PCDHGA9: variants seen among roughly 807,000 people sequenced by gnomAD.
PCDHGA9 encodes the protein protocadherin gamma subfamily A, 9.
A neutral mutation model predicts 62.5 loss-of-function variants in PCDHGA9; 37 were observed. That is an observed-to-expected ratio of 0.59 (90% CI 0.46 to 0.78). The LOEUF (loss-of-function observed/expected upper bound fraction) is 0.78. Among genes scored for constraint, PCDHGA9 ranks in the 30% least tolerant of loss-of-function variants. PCDHGA9 has a pLI of 0.00. For missense variants in PCDHGA9, 1,138 were observed against 1,166.2 expected, an observed-to-expected ratio of 0.98 and a Z score of 0.35; for synonymous variants, 459 against 484.6, an observed-to-expected ratio of 0.95 and a Z score of 0.69.
At position 141,431,338 on chromosome 5, in the gene PCDHGA9, A is replaced by G; in HGVS notation, c.2424+25962A>G. On this transcript the variant is annotated intron_variant, in intron 1 of 3. Transcript: ENST00000573521. This position sits in a 1 kb window ranked among gnomAD's most constrained non-coding sequence, Gnocchi z 4.8. ...GAGCCGACGGTAGTAAGTACCCCGA[A>G]TTGGTGCTGAAACGCGCCCTGGACC... 1 of 1,614,068 alleles carries G rather than the reference A, an allele frequency of 6.2e-7. No homozygotes were observed. The highest frequency in any genetic ancestry group is 8.5e-7 in the Non-Finnish European group (1 of 1,180,032).
At chr5:141,478,442 C>T in intron 1 of PCDHGA9, 1 of 1,613,608 alleles carries the variant, frequency 6.2e-7, no homozygotes, top group Non-Finnish European at 8.5e-7. Flanking sequence ...GCTGAAGAAA[C>T]CTGGTGCAGC....
intron 1 of PCDHGA9, among the ~76,000 whole-genome samples, chr5:141,438,517 T>G (rs975190211): frequency 6.7e-6 from 1 of 148,384 alleles, no homozygotes; most frequent in Non-Finnish European, 1.5e-5. Context: ...AAACCAATTA[T>G]TTTACATGGA....
At chr5:141,445,732 A>G (rs2098475548) in intron 1 of PCDHGA9, among the ~76,000 whole-genome samples, 1 of 152,230 alleles carries the variant, frequency 6.6e-6, no homozygotes, top group African/African-American at 2.4e-5. Context: ...ATGTGTAAAG[A>G]TCTTTTTAAA....
chr5:141,415,096 G>A (rs1398998410), intron 1 of PCDHGA9: 3 of 1,613,462 alleles, frequency 1.9e-6, no homozygotes, highest in Non-Finnish European at 2.5e-6. Flanking sequence ...GGACAGAGAC[G>A]CGCTCAAGCA....
chr5:141,414,302 A>G (rs2095732200), intron 1 of PCDHGA9: 3 of 1,613,678 alleles, frequency 1.9e-6, no homozygotes, highest in Non-Finnish European at 2.5e-6. Flanking sequence ...TTAAATGTGC[A>G]TGATTTAGAC....
rs61612330 is a variant in PCDHGA9 at position 141,454,796 on chromosome 5, A to ATTTTTTTTTT, written c.2425-39991_2425-39982dup. Among the ~76,000 whole-genome samples, 264 of 77,454 alleles carry ATTTTTTTTTT rather than the reference A, an allele frequency of 3.4e-3. 39 individuals carry two copies. Among genetic ancestry groups the ATTTTTTTTTT allele is most frequent in the African/African-American group, 0.012 (196 of 16,878 alleles). 50.8% of individuals were successfully genotyped at this position (77,454 alleles called of 152,430 possible). A position where few individuals can be genotyped will look rare whatever the true frequency, so the allele number is the denominator to read the frequency against. ...AAGGAAATAATCCTCCATGGTTCTA[A>ATTTTTTTTTT]TTTTTTTTTTTTTTTTTTTTTTTTT... On this transcript the variant is annotated intron_variant, in intron 1 of 3. Transcript: ENST00000573521.
Position 141,432,110 on chromosome 5 carries a change from G to A in PCDHGA9, c.2424+26734G>A. On this transcript the variant is annotated intron_variant, in intron 1 of 3. Coordinates refer to ENST00000573521, the MANE Select transcript of PCDHGA9 (RefSeq NM_018921.3). This position sits in a 1 kb window ranked among gnomAD's most constrained non-coding sequence, Gnocchi z 6.0. ...GGCAGACACCAACGACAACCCGCCG[G>A]TCTTCCCTCAGGCCTCCTATTCCGC... 6.2e-7 allele frequency: 1 copy of A among 1,614,108 alleles called. No individual in the cohort carries two copies. Among genetic ancestry groups the A allele is most frequent in the Non-Finnish European group, 8.5e-7 (1 of 1,180,036 alleles).
intron 1 of PCDHGA9, chr5:141,440,160 G>A (rs568136682): frequency 6.6e-6 from 1 of 152,324 alleles, no homozygotes; most frequent in East Asian, 1.9e-4. Flanking sequence ...ATTATAGCTT[G>A]GGCCATAACG....
At chr5:141,482,957 C>A (rs2099575063) in intron 1 of PCDHGA9, among the ~76,000 whole-genome samples, 2 of 57,944 alleles carry the variant, frequency 3.5e-5, no homozygotes, top group Admixed American at 1.5e-4. Context: ...CCTGTAATTC[C>A]AGCTACTTGA....
Position 141,485,274 on chromosome 5 carries a change from C to G in PCDHGA9, c.2425-9533C>G. 2 of 1,614,106 alleles carry G rather than the reference C, an allele frequency of 1.2e-6. No homozygotes were observed. Among genetic ancestry groups the G allele is most frequent in the Non-Finnish European group, 1.7e-6 (2 of 1,179,964 alleles). On this transcript the variant is annotated intron_variant, in intron 1 of 3. Transcript: ENST00000573521. The surrounding 1 kb of genome is among the most constrained non-coding windows in gnomAD (Gnocchi z 5.7). ...TACGTTTGTGGGCAGATCCGCTACC[C>G]GGTCCCAGAGGAGTCACAGGAAGGG...
intron 1 of PCDHGA9, among the ~76,000 whole-genome samples, chr5:141,464,794 A>C (rs2154568597): frequency 6.6e-6 from 1 of 152,128 alleles, no homozygotes; most frequent in East Asian, 1.9e-4. Flanking sequence ...GCCAAATTGC[A>C]GTGATGCAGT....
intron 1 of PCDHGA9, among the ~76,000 whole-genome samples, chr5:141,435,383 G>A (rs1057246190): frequency 6.6e-6 from 1 of 152,016 alleles, no homozygotes; most frequent in South Asian, 2.1e-4. Flanking sequence ...ACAATATACC[G>A]TATTGCCATG....
At chr5:141,463,367 C>G (rs1437952082) in intron 1 of PCDHGA9, among the ~76,000 whole-genome samples, 1 of 151,748 alleles carries the variant, frequency 6.6e-6, no homozygotes, top group African/African-American at 2.4e-5. Context: ...CCTTTCCTGC[C>G]CCACAGTCTG....
chr5:141,409,818 C>T (rs1027344375), intron 1 of PCDHGA9: 2 of 1,610,918 alleles, frequency 1.2e-6, no homozygotes, highest in Non-Finnish European at 1.7e-6. Context: ...GACCACGGCT[C>T]GCCCACGCTC....
rs1308015959 is a variant in PCDHGA9, at chr5:141,482,105, AT to A, written c.2425-12701del. Among the ~76,000 whole-genome samples, 417 of 143,332 alleles carry A rather than the reference AT, an allele frequency of 2.9e-3. 1 individual carries two copies. The highest frequency in any genetic ancestry group is 0.011 in the African/African-American group (394 of 37,394). 94.0% of individuals were successfully genotyped at this position (143,332 alleles called of 152,430 possible). Reference sequence around the variant, plus strand: ...ACTCCATCTCAAAAAAAAAAAAAAAATATCTAGAGATGGGAGAATCATATGG... The same window carrying A: ...ACTCCATCTCAAAAAAAAAAAAAAAAATCTAGAGATGGGAGAATCATATGG... On this transcript the variant is annotated intron_variant, in intron 1 of 3. Coordinates refer to ENST00000573521, the MANE Select transcript of PCDHGA9 (RefSeq NM_018921.3).
At position 141,427,779 on chromosome 5, in the gene PCDHGA9, C is replaced by T. The variant is rs1196661076; in HGVS notation, c.2424+22403C>T. On this transcript the variant is annotated intron_variant, in intron 1 of 3. Transcript: ENST00000573521. Reference sequence around the variant, plus strand: ...TACCACTGACTTGGAGCTGCGGGCACTGTCGTCCTACGTGTCCGTGAGCGC... The same window carrying T: ...TACCACTGACTTGGAGCTGCGGGCATTGTCGTCCTACGTGTCCGTGAGCGC... 2.1e-6 allele frequency: 3 copies of T among 1,454,498 alleles called. No individual in the cohort carries two copies. The East Asian group carries it at 6.8e-5, about 33-fold the overall frequency. The allele number at this position is 1,454,498 out of a possible 1,614,324, so 90.1% of individuals were successfully genotyped here. A position where few individuals can be genotyped will look rare whatever the true frequency, so the allele number is the denominator to read the frequency against.
intron 1 of PCDHGA9, among the ~76,000 whole-genome samples, chr5:141,429,527 T>TA (rs1321273157): frequency 1.3e-5 from 2 of 152,038 alleles, no homozygotes; most frequent in African/African-American, 4.8e-5. Flanking sequence ...GAAAAAAGCT[T>TA]AAAAAAATAA....
intron 1 of PCDHGA9, among the ~76,000 whole-genome samples, chr5:141,465,119 A>T (rs2099097382): frequency 6.6e-6 from 1 of 151,780 alleles, no homozygotes; most frequent in Non-Finnish European, 1.5e-5. Flanking sequence ...GTTTTAGCCT[A>T]AATTTGTAAA....
At position 141,510,984 on chromosome 5, in the gene PCDHGA9, C is replaced by A. The variant is rs375865663; in HGVS notation, c.2610C>A (p.Ala870=). 6.2e-7 allele frequency: 1 copy of A among 1,614,162 alleles called. No individual in the cohort carries two copies. The highest frequency in any genetic ancestry group is 8.5e-7 in the Non-Finnish European group (1 of 1,180,012). The part of the protein sequence containing the change: ...ADGSSTLGGG[A]GTMGLSARYG... The stretch of plus-strand genomic sequence containing the variant: ...GGAGCTCCACCCTGGGAGGGGGTGC[C>A]GGCACCATGGGATTGAGCGCCCGCT... Residue 870 remains alanine, a synonymous_variant, in exon 4 of 4, where the codon GCC becomes GCA. Coordinates refer to ENST00000573521, the MANE Select transcript of PCDHGA9 (RefSeq NM_018921.3).
Sources: gnomAD v4.1 joint callset for allele counts (sites outside exome capture counted in the v4.1 genomes callset) on GRCh38, gnomAD v4.1.1 for gene constraint, Gnocchi (gnomAD v3.1) non-coding constraint, MANE v1.5 for transcripts, NCBI Gene and HGNC (gene_info 2026-07-23, HGNC 2026-07-21) for gene names.